SUSD1: variants seen among roughly 807,000 people sequenced by gnomAD.
The protein encoded by SUSD1 is sushi domain containing 1.
In SUSD1, 65 loss-of-function variants were observed where a neutral mutation model predicts 86.9. That is an observed-to-expected ratio of 0.75 (90% CI 0.61 to 0.92). The LOEUF is 0.92. Among genes scored for constraint, SUSD1 ranks in the 40% least tolerant of loss-of-function variants. SUSD1 has a pLI of 0.00. For synonymous variants in SUSD1, 346 were observed against 350.0 expected (o/e 0.99, Z 0.13); for missense variants, 850 against 929.7 (o/e 0.91, Z 1.11).
At chr9:112,060,146 T>C (rs1031613330) in intron 13 of SUSD1, among the ~76,000 whole-genome samples, 4 of 152,164 alleles carry the variant, frequency 2.6e-5, no homozygotes, top group Non-Finnish European at 5.9e-5. Flanking sequence ...TAAGAGCCCA[T>C]GAATCACTAG....
intron 8 of SUSD1, among the ~76,000 whole-genome samples, chr9:112,104,119 A>T (rs1375399483): frequency 2.0e-5 from 3 of 151,900 alleles, no homozygotes; most frequent in African/African-American, 7.3e-5. Flanking sequence ...GGGCTCAAGC[A>T]ATCCTCCCAC....
intron 8 of SUSD1, among the ~76,000 whole-genome samples, chr9:112,110,394 C>T (rs1449580140): frequency 1.3e-5 from 2 of 151,710 alleles, no homozygotes; most frequent in Admixed American, 6.6e-5. Context: ...GTTTGTCTAC[C>T]GGGTTTTTTG....
chr9:112,116,595 G>A (rs887663721), intron 6 of SUSD1, among the ~76,000 whole-genome samples: 6 of 152,190 alleles, frequency 3.9e-5, no homozygotes, highest in Non-Finnish European at 8.8e-5. Flanking sequence ...GGGCTGTGAC[G>A]ATGTTATCTG....
chr9:112,157,513 C>A lies in SUSD1; in HGVS notation c.204G>T (p.Arg68Ser). The change falls in exon 2 of 17, where the codon AGG becomes AGT. Residue 68 changes from arginine to serine, a missense_variant. By Grantham distance (110) the Arg-to-Ser change is moderately radical. Coordinates refer to ENST00000374270, the MANE Select transcript of SUSD1 (RefSeq NM_022486.5). ...TTCAGAACTTACCAACACACTGAGTCCTCCCGTTCCCTACAAATCCATAGT... is the reference window on the plus strand; with the variant it reads ...TTCAGAACTTACCAACACACTGAGTACTCCCGTTCCCTACAAATCCATAGT... ...ICNYGFVGNG[R>S]TQCVDKNECQ... The A allele has an allele frequency of 6.2e-7, 1 of 1,613,266 alleles. No individual in the cohort carries two copies. Among genetic ancestry groups the A allele is most frequent in the Non-Finnish European group, 8.5e-7 (1 of 1,179,338 alleles).
At chr9:112,107,254 C>CAAAAAAAA (rs71382407) in intron 8 of SUSD1, among the ~76,000 whole-genome samples, 18 of 66,142 alleles carry the variant, frequency 2.7e-4, no homozygotes, top group Middle Eastern at 9.1e-3. Context: ...GACCATATCT[C>CAAAAAAAA]AAAAAAAAAA....
chr9:112,158,466 C>T (rs1261746819), intron 1 of SUSD1, among the ~76,000 whole-genome samples: 1 of 152,078 alleles, frequency 6.6e-6, no homozygotes, highest in African/African-American at 2.4e-5. Context: ...TCTCAGCTCA[C>T]TGCAGCCTTG....
At chr9:112,160,500 C>T (rs764093119) in intron 1 of SUSD1, among the ~76,000 whole-genome samples, 3 of 152,140 alleles carry the variant, frequency 2.0e-5, no homozygotes, top group Non-Finnish European at 4.4e-5. Context: ...GCTGAGATCA[C>T]ACCACTGCAC....
intron 5 of SUSD1, among the ~76,000 whole-genome samples, chr9:112,125,182 T>C (rs1831719194): frequency 6.6e-6 from 1 of 152,136 alleles, no homozygotes; most frequent in African/African-American, 2.4e-5. Context: ...ATCGTAAGAA[T>C]AAGTGTGCAG....
chr9:112,087,831 T>C (rs1830047454), intron 10 of SUSD1, among the ~76,000 whole-genome samples: 1 of 152,152 alleles, frequency 6.6e-6, no homozygotes, highest in Non-Finnish European at 1.5e-5. Flanking sequence ...AAGATAACTT[T>C]ACAAGAATAA....
chr9:112,075,042 C>CA (rs1829458612), intron 12 of SUSD1, among the ~76,000 whole-genome samples: 1 of 151,970 alleles, frequency 6.6e-6, no homozygotes, highest in Non-Finnish European at 1.5e-5. Flanking sequence ...CCCCTTTACT[C>CA]AAAAAAATAT....
At chr9:112,144,395 T>C (rs1318724782) in intron 3 of SUSD1, among the ~76,000 whole-genome samples, 11 of 152,170 alleles carry the variant, frequency 7.2e-5, no homozygotes, top group Admixed American at 7.2e-4. Flanking sequence ...ATCCAATCAC[T>C]ATAAATATAT....
intron 1 of SUSD1, among the ~76,000 whole-genome samples, chr9:112,159,746 G>A (rs141496685): frequency 4.8e-4 from 73 of 152,154 alleles, no homozygotes; most frequent in Non-Finnish European, 8.7e-4. Context: ...AGACTTATGC[G>A]TTTTTATACC....
At chr9:112,119,115 T>G (rs372292598) in intron 6 of SUSD1, among the ~76,000 whole-genome samples, 2 of 152,284 alleles carry the variant, frequency 1.3e-5, no homozygotes, top group East Asian at 3.9e-4. Context: ...ACTTAACCTT[T>G]ATGAGTCTCA....
chr9:112,171,244 AC>A (rs1834034206), intron 1 of SUSD1, among the ~76,000 whole-genome samples: 1 of 150,978 alleles, frequency 6.6e-6, no homozygotes, highest in Admixed American at 6.6e-5. Flanking sequence ...AACCACCACC[AC>A]CCCCAACCCC....
At chr9:112,095,952 G>T (rs781429459) in intron 10 of SUSD1, among the ~76,000 whole-genome samples, 10 of 152,134 alleles carry the variant, frequency 6.6e-5, no homozygotes, top group African/African-American at 2.4e-4. Context: ...TCTTTGGAAC[G>T]GGCATCAAGA....
intron 3 of SUSD1, among the ~76,000 whole-genome samples, chr9:112,147,184 C>A (rs1832839992): frequency 6.6e-6 from 1 of 152,170 alleles, no homozygotes; most frequent in Non-Finnish European, 1.5e-5. Flanking sequence ...GCTCGTCACC[C>A]TTCCACTAGC....
At chr9:112,045,352 G>A (rs1004956825) in intron 15 of SUSD1, among the ~76,000 whole-genome samples, 2 of 152,106 alleles carry the variant, frequency 1.3e-5, no homozygotes, top group African/African-American at 2.4e-5. Context: ...GAAGATGACT[G>A]TGGACAGAAA....
At chr9:112,115,387 G>A (rs774425225) in intron 6 of SUSD1, among the ~76,000 whole-genome samples, 8 of 152,194 alleles carry the variant, frequency 5.3e-5, no homozygotes, top group Non-Finnish European at 8.8e-5. Context: ...GAGGCAGAGA[G>A]GGAAAAATAG....
intron 8 of SUSD1, among the ~76,000 whole-genome samples, chr9:112,105,495 G>GA (rs1830800408): frequency 6.6e-6 from 1 of 152,128 alleles, no homozygotes. Context: ...AAGACAGGTG[G>GA]ATCACTTGAG....
Sources: gnomAD v4.1 joint callset for allele counts (sites outside exome capture counted in the v4.1 genomes callset) on GRCh38, gnomAD v4.1.1 for gene constraint, MANE v1.5 for transcripts, NCBI Gene and HGNC (gene_info 2026-07-23, HGNC 2026-07-21) for gene names.